SLC35F1: variants seen among roughly 807,000 people sequenced by gnomAD.
SLC35F1 encodes the protein solute carrier family 35 member F1.
In SLC35F1, 14 loss-of-function variants were observed where a neutral mutation model predicts 48.7. The observed-to-expected ratio is 0.29, with a 90% CI of 0.19 to 0.45. SLC35F1 has a LOEUF of 0.45. Among genes scored for constraint, SLC35F1 ranks in the 20% least tolerant of loss-of-function variants. The pLI is 1.00. For missense variants in SLC35F1, 404 were observed against 500.0 expected, an observed-to-expected ratio of 0.81 and a Z score of 1.83; for synonymous variants, 190 against 202.2, an observed-to-expected ratio of 0.94 and a Z score of 0.51.
At chr6:118,192,230 A>G (rs1272217420) in intron 2 of SLC35F1, among the ~76,000 whole-genome samples, 1 of 152,162 alleles carries the variant, frequency 6.6e-6, no homozygotes, top group African/African-American at 2.4e-5. Flanking sequence ...TAACATGCAA[A>G]TCTGGCAAAG....
At chr6:118,102,574 T>C (rs906896330) in intron 1 of SLC35F1, among the ~76,000 whole-genome samples, 2 of 152,216 alleles carry the variant, frequency 1.3e-5, no homozygotes, top group Non-Finnish European at 2.9e-5. Context: ...GGATTAAAAA[T>C]GTCTGTGGAT....
intron 2 of SLC35F1, among the ~76,000 whole-genome samples, chr6:118,217,001 A>G (rs999046233): frequency 6.6e-6 from 1 of 152,176 alleles, no homozygotes; most frequent in African/African-American, 2.4e-5. Context: ...GTGATTCAGA[A>G]GAGCCTGTGT....
intron 1 of SLC35F1, among the ~76,000 whole-genome samples, chr6:118,053,757 A>G (rs1772424197): frequency 6.6e-6 from 1 of 152,064 alleles, no homozygotes; most frequent in Non-Finnish European, 1.5e-5. Flanking sequence ...TATTTTTTGC[A>G]CTGTAAATGT....
intron 1 of SLC35F1, among the ~76,000 whole-genome samples, chr6:118,092,197 G>C (rs1434190035): frequency 1.3e-5 from 2 of 152,174 alleles, no homozygotes; most frequent in African/African-American, 4.8e-5. Context: ...CTTTGCAGCA[G>C]CCCCTCCCAT....
At chr6:118,232,226 T>C (rs1775300535) in intron 2 of SLC35F1, among the ~76,000 whole-genome samples, 1 of 152,094 alleles carries the variant, frequency 6.6e-6, no homozygotes. Context: ...AAGTAGGTAA[T>C]TATAAGACAG....
intron 7 of SLC35F1, among the ~76,000 whole-genome samples, chr6:118,306,232 C>T (rs1236721768): frequency 2.0e-5 from 3 of 152,082 alleles, no homozygotes; most frequent in Admixed American, 1.3e-4. Flanking sequence ...CCGGCAGAAG[C>T]GTTCTTCTCT....
chr6:118,240,694 G>A (rs1775427312), intron 3 of SLC35F1, among the ~76,000 whole-genome samples: 1 of 152,180 alleles, frequency 6.6e-6, no homozygotes, highest in Non-Finnish European at 1.5e-5. Context: ...CAAACTGGAA[G>A]GTTGGGAAAG....
At chr6:118,199,127 C>T (rs964995936) in intron 2 of SLC35F1, among the ~76,000 whole-genome samples, 2 of 152,132 alleles carry the variant, frequency 1.3e-5, no homozygotes, top group Non-Finnish European at 2.9e-5. Context: ...GTATTGCTGA[C>T]CCAAAGTATT....
intron 1 of SLC35F1, among the ~76,000 whole-genome samples, chr6:117,933,699 G>A (rs955482618): frequency 2.6e-5 from 4 of 152,228 alleles, no homozygotes; most frequent in Non-Finnish European, 5.9e-5. Flanking sequence ...GTGAGTGCCA[G>A]AGGCTGAGCA....
At chr6:118,287,785 A>G (rs1427364515) in intron 7 of SLC35F1, among the ~76,000 whole-genome samples, 3 of 152,140 alleles carry the variant, frequency 2.0e-5, no homozygotes, top group Non-Finnish European at 4.4e-5. Context: ...TACACACATC[A>G]GGAAATGAGA....
chr6:118,007,518 A>G (rs1777189299), intron 1 of SLC35F1, among the ~76,000 whole-genome samples: 1 of 152,184 alleles, frequency 6.6e-6, no homozygotes, highest in South Asian at 2.1e-4. Context: ...TGTTCCAAGC[A>G]TACCCCTGAG....
intron 1 of SLC35F1, among the ~76,000 whole-genome samples, chr6:117,913,100 A>T (rs1461235896): frequency 6.6e-6 from 1 of 152,188 alleles, no homozygotes; most frequent in Admixed American, 6.5e-5. Flanking sequence ...GAGCATGTGA[A>T]AGTACCACCA....
At chr6:117,971,551 G>T (rs1776638722) in intron 1 of SLC35F1, among the ~76,000 whole-genome samples, 1 of 152,248 alleles carries the variant, frequency 6.6e-6, no homozygotes, top group African/African-American at 2.4e-5. Flanking sequence ...CCTAGCAGAG[G>T]CTCTCCATGA....
intron 1 of SLC35F1, among the ~76,000 whole-genome samples, chr6:118,083,882 C>G (rs147957250): frequency 6.6e-6 from 1 of 152,164 alleles, no homozygotes; most frequent in Non-Finnish European, 1.5e-5. Context: ...CATGATTTCA[C>G]CATTTATTCT....
rs1051095303 is a variant in SLC35F1, at chr6:118,271,171, T to C, written c.637+4017T>C. ...AGGTACTTTATTATATATTATTTCA[T>C]TTAATCCTCCTAACTATGCAAAGAA... is the stretch of plus-strand genomic sequence containing the variant. On this transcript the variant is annotated intron_variant, in intron 4 of 7. Coordinates refer to ENST00000360388, the MANE Select transcript of SLC35F1 (RefSeq NM_001029858.4). Among the ~76,000 whole-genome samples the C allele has an allele frequency of 2.0e-5, 3 of 152,210 alleles. No homozygotes were observed. In the South Asian group the frequency reaches 6.2e-4, roughly 31 times the overall value.
In SLC35F1 at chr6:117,928,028, G is replaced by A. The variant is rs534115992; in HGVS notation, c.173+20129G>A. Among the ~76,000 whole-genome samples the A allele has an allele frequency of 3.3e-5, 5 of 152,216 alleles. No homozygotes were observed. The East Asian group carries it at 9.7e-4, about 29-fold the overall frequency. ...GTGTTGCAGCTTTTAAAAGGCATTT[G>A]GCAGGGTTTCCTTCTACTCCCATTT... On this transcript the variant is annotated intron_variant, in intron 1 of 7. Transcript: ENST00000360388.
At chr6:118,061,677 A>G (rs1262619736) in intron 1 of SLC35F1, among the ~76,000 whole-genome samples, 1 of 151,874 alleles carries the variant, frequency 6.6e-6, no homozygotes, top group Non-Finnish European at 1.5e-5. Flanking sequence ...AGTTTAAACC[A>G]GCAGTCCCCA....
At chr6:118,240,970 C>A (rs977862537) in intron 3 of SLC35F1, among the ~76,000 whole-genome samples, 1 of 152,102 alleles carries the variant, frequency 6.6e-6, no homozygotes, top group Non-Finnish European at 1.5e-5. Flanking sequence ...GAAGCCACTG[C>A]AAAATTTTTA....
At chr6:118,173,666 T>G (rs1774443941) in intron 2 of SLC35F1, among the ~76,000 whole-genome samples, 2 of 152,064 alleles carry the variant, frequency 1.3e-5, no homozygotes, top group Non-Finnish European at 2.9e-5. Context: ...GTACAGAAGA[T>G]CTGAGAGAAA....
Sources: gnomAD v4.1 joint callset for allele counts (sites outside exome capture counted in the v4.1 genomes callset) on GRCh38, gnomAD v4.1.1 for gene constraint, MANE v1.5 for transcripts, NCBI Gene and HGNC (gene_info 2026-07-23, HGNC 2026-07-21) for gene names.